Variants in ZNF438 observed in about 807,000 individuals in gnomAD.
ZNF438 encodes the protein zinc finger protein 438.
A neutral mutation model predicts 38.0 loss-of-function variants in ZNF438; 25 were observed. The ratio of observed to expected loss-of-function variants is 0.66; its 90% CI spans 0.48 to 0.92. The LOEUF is 0.92. Among genes scored for constraint, ZNF438 ranks in the 40% least tolerant of loss-of-function variants. The pLI, the probability that ZNF438 is intolerant of heterozygous loss-of-function variation, is 0.00. For synonymous variants in ZNF438, 372 were observed against 364.1 expected (o/e 1.02, Z -0.25); for missense variants, 1,007 against 999.6 (o/e 1.01, Z -0.10).
intron 1 of ZNF438, among the ~76,000 whole-genome samples, chr10:31,031,046 A>ATT (rs1316760600): frequency 2.0e-5 from 3 of 152,222 alleles, no homozygotes; most frequent in Non-Finnish European, 2.9e-5. Flanking sequence ...TGGGATCCCC[A>ATT]TTCTATCAAG....
At chr10:30,879,840 A>G (rs1714859977) in intron 3 of ZNF438, among the ~76,000 whole-genome samples, 1 of 152,188 alleles carries the variant, frequency 6.6e-6, no homozygotes, top group African/African-American at 2.4e-5. Flanking sequence ...CTGCAGGCCA[A>G]CTTTAAGAAG....
At chr10:30,911,950 T>C (rs1270780545) in intron 2 of ZNF438, among the ~76,000 whole-genome samples, 1 of 152,084 alleles carries the variant, frequency 6.6e-6, no homozygotes, top group African/African-American at 2.4e-5. Context: ...AATCCCATTC[T>C]CTCCCATTTT....
chr10:30,981,439 C>T (rs575016336), intron 1 of ZNF438, among the ~76,000 whole-genome samples: 1 of 152,168 alleles, frequency 6.6e-6, no homozygotes, highest in South Asian at 2.1e-4. Context: ...ACATAATAGG[C>T]ACTTGTTCTG....
chr10:30,982,626 T>C (rs2136474734), intron 1 of ZNF438, among the ~76,000 whole-genome samples: 1 of 152,302 alleles, frequency 6.6e-6, no homozygotes, highest in Non-Finnish European at 1.5e-5. Flanking sequence ...CCTTTAAGTA[T>C]AATATATTTA....
chr10:30,866,685 T>C (rs1340531903), intron 4 of ZNF438, among the ~76,000 whole-genome samples: 2 of 151,994 alleles, frequency 1.3e-5, no homozygotes, highest in African/African-American at 4.8e-5. Context: ...ATACAAAAAA[T>C]TAGCCGAGCG....
chr10:30,968,004 GA>G (rs892591840), intron 1 of ZNF438, among the ~76,000 whole-genome samples: 11 of 151,824 alleles, frequency 7.2e-5, no homozygotes, highest in Non-Finnish European at 2.9e-5. Context: ...AGAAAAAGGG[GA>G]AAAAAAGACA....
intron 3 of ZNF438, among the ~76,000 whole-genome samples, chr10:30,908,220 A>C (rs1422562346): frequency 6.6e-6 from 1 of 152,154 alleles, no homozygotes; most frequent in Non-Finnish European, 1.5e-5. Context: ...ATTGTATTCT[A>C]TAGTGGTCAG....
chr10:30,990,105 G>A (rs2053314551), intron 1 of ZNF438, among the ~76,000 whole-genome samples: 2 of 152,046 alleles, frequency 1.3e-5, no homozygotes, highest in Admixed American at 6.5e-5. Flanking sequence ...AATTCTAAAA[G>A]TTCATAATAA....
rs533674258 is a variant in ZNF438 at position 30,993,874 on chromosome 10, G to A, written c.-192+37959C>T. Among the ~76,000 whole-genome samples, 9 of 152,388 alleles carry A rather than the reference G, an allele frequency of 5.9e-5. No individual in the cohort carries two copies. The East Asian group carries it at 1.5e-3, about 26-fold the overall frequency. On this transcript the variant is annotated intron_variant, in intron 1 of 5. Coordinates refer to ENST00000413025, the Ensembl canonical transcript of ZNF438. The stretch of plus-strand genomic sequence containing the variant: ...CTTGGAGGCCCAACCCTGCACCCGT[G>A]TGCCCATGATGCAGGACATGGAGTC...
At chr10:30,990,794 G>A (rs1299337558) in intron 1 of ZNF438, among the ~76,000 whole-genome samples, 1 of 152,004 alleles carries the variant, frequency 6.6e-6, no homozygotes, top group East Asian at 1.9e-4. Flanking sequence ...TAAAGGGATG[G>A]AGAAGGAACG....
intron 1 of ZNF438, among the ~76,000 whole-genome samples, chr10:30,996,199 G>C (rs1160017501): frequency 6.6e-6 from 1 of 152,062 alleles, no homozygotes; most frequent in Non-Finnish European, 1.5e-5. Context: ...AAAAAGACCT[G>C]AGACCTATAG....
intron 1 of ZNF438, among the ~76,000 whole-genome samples, chr10:30,980,338 G>A (rs967208309): frequency 6.6e-6 from 1 of 151,970 alleles, no homozygotes; most frequent in Admixed American, 6.6e-5. Flanking sequence ...AGGCCGGTTA[G>A]AAGACGATAT....
intron 1 of ZNF438, among the ~76,000 whole-genome samples, chr10:30,998,587 A>G (rs1404713760): frequency 8.0e-6 from 1 of 125,700 alleles, no homozygotes; most frequent in Non-Finnish European, 1.7e-5. Context: ...AAAAAAAAAA[A>G]TCAAGTATTA....
chr10:30,865,925 G>A (rs893933025), intron 4 of ZNF438, among the ~76,000 whole-genome samples: 8 of 152,134 alleles, frequency 5.3e-5, no homozygotes, highest in African/African-American at 1.9e-4. Context: ...CTCAGGAAGG[G>A]TCCCGAATAC....
intron 4 of ZNF438, among the ~76,000 whole-genome samples, chr10:30,870,366 T>C (rs557943233): frequency 2.6e-5 from 4 of 152,284 alleles, no homozygotes; most frequent in Non-Finnish European, 2.9e-5. Flanking sequence ...ATGTCCTGCC[T>C]TCTTCTTTCA....
chr10:30,943,842 C>G (rs986943102), intron 1 of ZNF438, among the ~76,000 whole-genome samples: 1 of 147,684 alleles, frequency 6.8e-6, no homozygotes, highest in Admixed American at 6.9e-5. Context: ...AAATGCCATG[C>G]TTTTTCTTGA....
chr10:30,979,586 C>T (rs190775885), intron 1 of ZNF438, among the ~76,000 whole-genome samples: 2 of 152,208 alleles, frequency 1.3e-5, no homozygotes, highest in African/African-American at 4.8e-5. Context: ...TGGAACAGAA[C>T]AGAGGCCTCA....
At chr10:30,972,670 C>T (rs867688434) in intron 1 of ZNF438, among the ~76,000 whole-genome samples, 1 of 152,048 alleles carries the variant, frequency 6.6e-6, no homozygotes, top group Non-Finnish European at 1.5e-5. Flanking sequence ...ATATTACAGG[C>T]CTCTACTGTT....
rs536154872 is a variant in ZNF438, at chr10:30,901,784, T to C, written c.-32+7149A>G. On this transcript the variant is annotated intron_variant, in intron 3 of 5. Transcript: ENST00000413025. ...ACTTCAAGAATGAAGCCGCGGACCC[T>C]CACGGTGAGTGTTACAGTTCTTAAA... Among the ~76,000 whole-genome samples, 4 of 152,266 alleles carry C rather than the reference T, an allele frequency of 2.6e-5. No individual in the cohort carries two copies. The East Asian group carries it at 5.8e-4, about 22-fold the overall frequency.
Sources: gnomAD v4.1 joint callset for allele counts (sites outside exome capture counted in the v4.1 genomes callset) on GRCh38, gnomAD v4.1.1 for gene constraint, MANE v1.5 for transcripts, NCBI Gene and HGNC (gene_info 2026-07-23, HGNC 2026-07-21) for gene names.